Variants in IL15 observed in about 807,000 individuals in gnomAD.
The protein encoded by IL15 is interleukin 15.
In IL15, 11 loss-of-function variants were observed where a neutral mutation model predicts 19.6. That is an observed-to-expected ratio of 0.56 (90% CI 0.35 to 0.93). The LOEUF (loss-of-function observed/expected upper bound fraction) is 0.93, where lower values mean the gene tolerates loss of function less well. Among genes scored for constraint, IL15 ranks in the 40% least tolerant of loss-of-function variants. The pLI is 0.01. For missense variants in IL15, 197 were observed against 186.5 expected (o/e 1.06, Z -0.33); for synonymous variants, 58 against 59.6 (o/e 0.97, Z 0.12).
At chr4:141,711,424 A>C (rs1237559942) in intron 2 of IL15, among the ~76,000 whole-genome samples, 1 of 152,120 alleles carries the variant, frequency 6.6e-6, no homozygotes, top group Non-Finnish European at 1.5e-5. Context: ...CCTTCTGGTT[A>C]GGGAAGCTAG....
chr4:141,640,891 G>A (rs930169983), intron 1 of IL15, among the ~76,000 whole-genome samples: 7 of 152,182 alleles, frequency 4.6e-5, no homozygotes, highest in Non-Finnish European at 7.4e-5. Context: ...TGAAATGAGG[G>A]AATTGAAACT....
rs76718571 is a variant in IL15 at position 141,729,310 on chromosome 4, G to T, written c.241-537G>T. 2.4e-3 allele frequency among the ~76,000 whole-genome samples: 358 copies of T among 152,126 alleles called. 16 individuals are homozygous for T. The East Asian group carries it at 0.067, about 28-fold the overall frequency. ...ATGTTGTGGAAAACATATTTTTGTG[G>T]CACCTAAGAGAGCCTTTTCTGATTT... On this transcript the variant is annotated intron_variant, in intron 6 of 7. Coordinates refer to ENST00000320650, the MANE Select transcript of IL15 (RefSeq NM_000585.5).
At chr4:141,683,237 C>G (rs1728595448) in intron 2 of IL15, among the ~76,000 whole-genome samples, 1 of 151,366 alleles carries the variant, frequency 6.6e-6, no homozygotes, top group Non-Finnish European at 1.5e-5. Flanking sequence ...CCACTGCACT[C>G]CAGCCTGGCG....
intron 2 of IL15, chr4:141,715,394 A>T (rs1293150569): frequency 6.6e-6 from 1 of 152,128 alleles, no homozygotes; most frequent in Non-Finnish European, 1.5e-5. Context: ...CTGAGATACC[A>T]CCGGGGCTCA....
chr4:141,722,214 A>T (rs1275853921), intron 5 of IL15, among the ~76,000 whole-genome samples: 1 of 152,162 alleles, frequency 6.6e-6, no homozygotes, highest in Non-Finnish European at 1.5e-5. Flanking sequence ...TAAGCGGCCC[A>T]GACGGATGAG....
intron 6 of IL15, among the ~76,000 whole-genome samples, chr4:141,729,430 A>G (rs970081939): frequency 6.6e-6 from 1 of 152,188 alleles, no homozygotes; most frequent in Admixed American, 6.5e-5. Context: ...AACTTGAAAG[A>G]ACAGTATAAT....
intron 5 of IL15, among the ~76,000 whole-genome samples, chr4:141,724,331 A>AT (rs1327687142): frequency 2.0e-5 from 3 of 152,074 alleles, no homozygotes; most frequent in African/African-American, 7.2e-5. Context: ...CTGACAGGAC[A>AT]TTTTTTAAAA....
intron 2 of IL15, among the ~76,000 whole-genome samples, chr4:141,681,151 C>G (rs1436708055): frequency 6.6e-6 from 1 of 152,028 alleles, no homozygotes; most frequent in Non-Finnish European, 1.5e-5. Flanking sequence ...GAGTGCCTGT[C>G]TTCCATTATT....
chr4:141,733,000 A>G lies in IL15; in HGVS notation c.*152A>G. ...GACCTTGGATCAGATGAACTCTTAGAAATGAAGGCAGAAAAATGTCATTGA... is the reference window on the plus strand; with the variant it reads ...GACCTTGGATCAGATGAACTCTTAGGAATGAAGGCAGAAAAATGTCATTGA... On this transcript the variant is annotated 3_prime_UTR_variant, in exon 8 of 8. Coordinates refer to ENST00000320650, the MANE Select transcript of IL15 (RefSeq NM_000585.5). 5 of 1,222,150 alleles carry G rather than the reference A, an allele frequency of 4.1e-6. No homozygotes were observed. The highest frequency in any genetic ancestry group is 5.4e-6 in the Non-Finnish European group (5 of 922,764). The allele number at this position is 1,222,150 out of a possible 1,614,324, so 75.7% of individuals were successfully genotyped here. A position where few individuals can be genotyped will look rare whatever the true frequency, so the allele number is the denominator to read the frequency against.
chr4:141,693,687 T>C (rs1326307538), intron 2 of IL15, among the ~76,000 whole-genome samples: 1 of 152,172 alleles, frequency 6.6e-6, no homozygotes, highest in Admixed American at 6.5e-5. Context: ...GAATAACAAA[T>C]CAGTATTAAA....
chr4:141,665,355 T>A (rs1212570997), intron 2 of IL15, among the ~76,000 whole-genome samples: 1 of 152,152 alleles, frequency 6.6e-6, no homozygotes, highest in East Asian at 1.9e-4. Flanking sequence ...CTCTTTTTAA[T>A]AAAAGCATAA....
chr4:141,704,570 A>G, intron 2 of IL15: 1 of 372,100 alleles, frequency 2.7e-6, no homozygotes. Context: ...AAATAAGTTT[A>G]AAAGTATTCT....
At chr4:141,649,922 A>G (rs1727349505) in intron 1 of IL15, among the ~76,000 whole-genome samples, 1 of 152,160 alleles carries the variant, frequency 6.6e-6, no homozygotes, top group African/African-American at 2.4e-5. Flanking sequence ...GTAAACAACA[A>G]ATTTAATACA....
At chr4:141,702,019 G>T (rs1278736551) in intron 2 of IL15, among the ~76,000 whole-genome samples, 5 of 152,190 alleles carry the variant, frequency 3.3e-5, no homozygotes, top group Admixed American at 3.3e-4. Flanking sequence ...GCATTCTTGT[G>T]ATAGAAACTC....
chr4:141,725,949 G>T (rs926526704), intron 5 of IL15, among the ~76,000 whole-genome samples: 4 of 152,118 alleles, frequency 2.6e-5, no homozygotes, highest in African/African-American at 4.8e-5. Context: ...GTCCAGAGGT[G>T]ACAAAAAGCA....
intron 2 of IL15, among the ~76,000 whole-genome samples, chr4:141,694,512 T>A (rs1024498122): frequency 6.6e-6 from 1 of 152,146 alleles, no homozygotes; most frequent in East Asian, 1.9e-4. Flanking sequence ...GGCAGTGCTG[T>A]TGAATCTGGT....
intron 2 of IL15, among the ~76,000 whole-genome samples, chr4:141,681,899 T>G (rs1252975582): frequency 6.6e-6 from 1 of 152,208 alleles, no homozygotes; most frequent in Admixed American, 6.5e-5. Flanking sequence ...TGACCCACTT[T>G]GTTGTTCCTA....
chr4:141,682,859 C>G lies in IL15; in HGVS notation c.-100+26552C>G, dbSNP rs146660071. 2.2e-3 allele frequency among the ~76,000 whole-genome samples: 336 copies of G among 150,908 alleles called. 1 individual carries two copies. The highest frequency in any genetic ancestry group is 7.6e-3 in the African/African-American group (311 of 41,112). On this transcript the variant is annotated intron_variant, in intron 2 of 7. Coordinates refer to ENST00000320650, the MANE Select transcript of IL15 (RefSeq NM_000585.5). ...TGTAGTCCCAGCTACTTGGAAGGCC[C>G]GGGAATGGCATGAACCCGGGAGGCA...
chr4:141,663,061 TATC>T (rs1384264764), intron 2 of IL15, among the ~76,000 whole-genome samples: 2 of 152,088 alleles, frequency 1.3e-5, no homozygotes, highest in African/African-American at 2.4e-5. Context: ...AAAAAAATAA[TATC>T]ATGATCAAGT....
Sources: gnomAD v4.1 joint callset for allele counts (sites outside exome capture counted in the v4.1 genomes callset) on GRCh38, gnomAD v4.1.1 for gene constraint, MANE v1.5 for transcripts, NCBI Gene and HGNC (gene_info 2026-07-23, HGNC 2026-07-21) for gene names.